PCDHGC3: variants seen among roughly 807,000 people sequenced by gnomAD.
PCDHGC3 encodes the protein protocadherin gamma-C3.
In PCDHGC3, 26 loss-of-function variants were observed where a neutral mutation model predicts 59.2. The observed-to-expected ratio is 0.44, with a 90% confidence interval of 0.32 to 0.61. The LOEUF (loss-of-function observed/expected upper bound fraction) is 0.61. PCDHGC3 is among the 20% of genes least tolerant of loss of function. The pLI, the probability that PCDHGC3 is intolerant of heterozygous loss-of-function variation, is 0.05. For synonymous variants in PCDHGC3, 487 were observed against 519.7 expected (o/e 0.94, Z 0.86); for missense variants, 1,080 against 1,221.8 (o/e 0.88, Z 1.73).
chr5:141,498,807 C>G (rs113587634), intron 2 of PCDHGC3, among the ~76,000 whole-genome samples: 1 of 152,030 alleles, frequency 6.6e-6, no homozygotes, highest in Non-Finnish European at 1.5e-5. Flanking sequence ...GTGGTGCACA[C>G]CTGTAGTCCC....
In PCDHGC3 at chr5:141,486,030, C is replaced by T. The variant is rs2099623234; in HGVS notation, c.2430+7484C>T. 2 of 1,614,046 alleles carry T rather than the reference C, an allele frequency of 1.2e-6. No homozygotes were observed. Among genetic ancestry groups the T allele is most frequent in the African/African-American group, 1.3e-5 (1 of 74,918 alleles). On this transcript the variant is annotated intron_variant, in intron 1 of 3. Coordinates refer to ENST00000308177, the MANE Select transcript of PCDHGC3 (RefSeq NM_002588.4). This position sits in a 1 kb window ranked among gnomAD's most constrained non-coding sequence, Gnocchi z 5.0. ...ACCTTTTATTTCAGTGGTCATACCC[C>T]TGATCGTGTAAGAAACCTCTTTAGC...
Position 141,486,092 on chromosome 5 carries a change from C to G in PCDHGC3, c.2430+7546C>G. ...TACTGGAAAGCTTACTCTTTTGGGG[C>G]CCCTAGACTTTGAGAGTGAGAATTA... On this transcript the variant is annotated intron_variant, in intron 1 of 3. Transcript: ENST00000308177. The surrounding 1 kb of genome is among the most constrained non-coding windows in gnomAD (Gnocchi z 5.0). The G allele has an allele frequency of 6.2e-7, 1 of 1,614,148 alleles. No individual in the cohort carries two copies. Among genetic ancestry groups the G allele is most frequent in the South Asian group, 1.1e-5 (1 of 91,080 alleles).
chr5:141,483,887 C>G (rs147069309), intron 1 of PCDHGC3, among the ~76,000 whole-genome samples: 13 of 152,036 alleles, frequency 8.6e-5, no homozygotes, highest in Non-Finnish European at 1.2e-4. Context: ...TTTTCTATTT[C>G]TCTGAGCTCT....
At chr5:141,498,105 G>A (rs150297456) in intron 2 of PCDHGC3, among the ~76,000 whole-genome samples, 4 of 152,206 alleles carry the variant, frequency 2.6e-5, no homozygotes, top group African/African-American at 9.7e-5. Flanking sequence ...TGGTGTGGGC[G>A]TATAATAGGG....
chr5:141,499,261 GT>G (rs2099790689), intron 2 of PCDHGC3, among the ~76,000 whole-genome samples: 1 of 152,022 alleles, frequency 6.6e-6, no homozygotes, highest in South Asian at 2.1e-4. Context: ...TCTCCATTTG[GT>G]CCCTAGACTG....
At chr5:141,480,221 T>C (rs2099514536) in intron 1 of PCDHGC3, among the ~76,000 whole-genome samples, 1 of 149,748 alleles carries the variant, frequency 6.7e-6, no homozygotes, top group Admixed American at 6.7e-5. Context: ...CTGAGCGACA[T>C]AGTGAGATCC....
intron 3 of PCDHGC3, chr5:141,507,166 GTCC>G (rs1475125845): frequency 6.6e-5 from 10 of 152,288 alleles, no homozygotes; most frequent in Non-Finnish European, 1.2e-4. Context: ...ATGAGAGGCT[GTCC>G]TCTTCCTCGA....
chr5:141,490,942 C>G lies in PCDHGC3; in HGVS notation c.2431-3865C>G. 1 of 1,613,644 alleles carries G rather than the reference C, an allele frequency of 6.2e-7. No individual in the cohort carries two copies. Among genetic ancestry groups the G allele is most frequent in the Non-Finnish European group, 8.5e-7 (1 of 1,179,760 alleles). On this transcript the variant is annotated intron_variant, in intron 1 of 3. Transcript: ENST00000308177. This position sits in a 1 kb window ranked among gnomAD's most constrained non-coding sequence, Gnocchi z 5.4. ...TAATGCCCCAGCTGTGCTGCACCCA[C>G]GGCCAGACTGGGAACACTCAGCCCC...
intron 1 of PCDHGC3, among the ~76,000 whole-genome samples, chr5:141,481,693 C>T (rs755007426): frequency 1.8e-4 from 27 of 152,020 alleles, no homozygotes; most frequent in Admixed American, 7.9e-4. Context: ...GTGGCTCACG[C>T]CTGTAATCCC....
chr5:141,476,366 G>T lies in PCDHGC3; in HGVS notation c.250G>T (p.Gly84Ter), dbSNP rs1025903110. The T allele has an allele frequency of 6.2e-7, 1 of 1,614,026 alleles. No individual in the cohort carries two copies. The highest frequency in any genetic ancestry group is 8.5e-7 in the Non-Finnish European group (1 of 1,180,028). The change falls in exon 1 of 4, where the codon GGA becomes TGA. Residue 84 changes from glycine (G) to a stop codon, truncating the protein, a stop_gained. Coordinates refer to ENST00000308177, the MANE Select transcript of PCDHGC3 (RefSeq NM_002588.4). LOFTEE classifies it high-confidence loss of function. The surrounding 1 kb of genome is among the most constrained non-coding windows in gnomAD (Gnocchi z 7.6). ...RRFFEVNRET[G>*]EMFVNDRLDR... The stretch of plus-strand genomic sequence containing the variant: ...ATTCTTTGAGGTGAACCGGGAGACC[G>T]GAGAGATGTTTGTGAACGACCGTCT...
Position 141,489,417 on chromosome 5 carries a change from G to A in PCDHGC3, c.2431-5390G>A, listed in dbSNP as rs1020232739. On this transcript the variant is annotated intron_variant, in intron 1 of 3. Coordinates refer to ENST00000308177, the MANE Select transcript of PCDHGC3 (RefSeq NM_002588.4). This position sits in a 1 kb window ranked among gnomAD's most constrained non-coding sequence, Gnocchi z 4.5. ...ATCTGGGCTTAAAGATGACAGATCT[G>A]TTGAGCCGGCGGCTGCAATTGGGCT... The A allele has an allele frequency of 1.2e-6, 2 of 1,614,172 alleles. No individual in the cohort carries two copies. The highest frequency in any genetic ancestry group is 3.3e-5 in the Admixed American group (2 of 60,030).
intron 2 of PCDHGC3, among the ~76,000 whole-genome samples, chr5:141,502,239 A>G (rs2099813426): frequency 6.6e-6 from 1 of 152,148 alleles, no homozygotes; most frequent in Admixed American, 6.5e-5. Flanking sequence ...GTGTTCTTTT[A>G]TCCTTTTTTT....
At chr5:141,496,479 CAACCAACCA>C (rs1199646129) in intron 2 of PCDHGC3, among the ~76,000 whole-genome samples, 1 of 152,180 alleles carries the variant, frequency 6.6e-6, no homozygotes, top group Non-Finnish European at 1.5e-5. Context: ...CCCCATCCTG[CAACCAACCA>C]AACCCTTGTT....
chr5:141,480,413 T>C (rs1478520852), intron 1 of PCDHGC3, among the ~76,000 whole-genome samples: 2 of 135,292 alleles, frequency 1.5e-5, no homozygotes, highest in African/African-American at 3.0e-5. Context: ...AGACCCTGTC[T>C]CAAAAAAAAA....
At chr5:141,484,102 A>T (rs1404220648) in intron 1 of PCDHGC3, among the ~76,000 whole-genome samples, 1 of 152,206 alleles carries the variant, frequency 6.6e-6, no homozygotes, top group African/African-American at 2.4e-5. Flanking sequence ...GTTGGTAATT[A>T]ACAAAAGATC....
chr5:141,498,827 G>C (rs2099786072), intron 2 of PCDHGC3, among the ~76,000 whole-genome samples: 1 of 152,102 alleles, frequency 6.6e-6, no homozygotes, highest in Non-Finnish European at 1.5e-5. Context: ...CAGCTACTCA[G>C]GAGGCTGAGG....
intron 2 of PCDHGC3, among the ~76,000 whole-genome samples, chr5:141,499,298 C>A (rs1239333151): frequency 6.6e-6 from 1 of 152,210 alleles, no homozygotes; most frequent in African/African-American, 2.4e-5. Context: ...ACACTACCAT[C>A]CCTCCTCTGA....
At chr5:141,488,268 C>T (rs1371050827) in intron 1 of PCDHGC3, among the ~76,000 whole-genome samples, 1 of 152,170 alleles carries the variant, frequency 6.6e-6, no homozygotes, top group East Asian at 1.9e-4. Context: ...GCGGGTTGGT[C>T]ATCACCTTTG....
intron 1 of PCDHGC3, among the ~76,000 whole-genome samples, chr5:141,482,207 G>T (rs983812650): frequency 6.6e-6 from 1 of 152,130 alleles, no homozygotes; most frequent in East Asian, 1.9e-4. Flanking sequence ...AAACAGACCA[G>T]GTACTTGTTT....
Sources: allele counts gnomAD v4.1 joint callset (sites outside exome capture counted in the v4.1 genomes callset), GRCh38; gene constraint gnomAD v4.1.1; non-coding constraint Gnocchi (gnomAD v3.1); transcripts MANE v1.5; gene names NCBI Gene and HGNC (gene_info 2026-07-23, HGNC 2026-07-21).